Variants in CRPPA observed in about 807,000 individuals in gnomAD.
CRPPA encodes the protein CDP-L-ribitol pyrophosphorylase A, also known as D-ribitol-5-phosphate cytidylyltransferase.
CRPPA carries 43 observed loss-of-function variants against 52.0 expected under a neutral mutation model. The ratio of observed to expected loss-of-function variants is 0.83; its 90% confidence interval spans 0.65 to 1.07. The LOEUF (loss-of-function observed/expected upper bound fraction) is 1.07, where lower values mean the gene tolerates loss of function less well. Ranked by LOEUF, CRPPA falls within the 50% of genes least tolerant of loss-of-function variation. The probability of loss-of-function intolerance (pLI) is 0.00; values close to 1 mark genes in which losing one functional copy is unlikely to be tolerated. For missense variants in CRPPA, 629 were observed against 551.7 expected (o/e 1.14, Z -1.40); for synonymous variants, 250 against 203.5 (o/e 1.23, Z -1.94).
chr7:16,251,836 A>T (rs1315983998), intron 8 of CRPPA, among the ~76,000 whole-genome samples: 2 of 152,316 alleles, frequency 1.3e-5, no homozygotes, highest in East Asian at 3.9e-4. Context: ...GCAAGAGCAA[A>T]CAAATTCAAA....
chr7:16,247,150 T>A (rs1032707966), intron 8 of CRPPA, among the ~76,000 whole-genome samples: 1 of 152,264 alleles, frequency 6.6e-6, no homozygotes, highest in Non-Finnish European at 1.5e-5. Context: ...TTTTCTGTTA[T>A]GAAGACAATT....
At chr7:16,419,005 G>A (rs1221263156) in intron 1 of CRPPA, among the ~76,000 whole-genome samples, 3 of 152,210 alleles carry the variant, frequency 2.0e-5, no homozygotes, top group African/African-American at 4.8e-5. Context: ...GTGTCCCACA[G>A]AAATGCCTTC....
intron 9 of CRPPA, among the ~76,000 whole-genome samples, chr7:16,157,727 G>T (rs139300237): frequency 3.8e-3 from 575 of 152,164 alleles, no homozygotes; most frequent in Non-Finnish European, 6.0e-3. Context: ...AGCATAGCAC[G>T]AAGGTCTACC....
At chr7:16,397,228 GAACAT>G (rs376157975) in intron 2 of CRPPA, among the ~76,000 whole-genome samples, 2 of 152,220 alleles carry the variant, frequency 1.3e-5, no homozygotes, top group African/African-American at 4.8e-5. Flanking sequence ...TATGTGATAC[GAACAT>G]AACATGTAAC....
chr7:16,309,940 C>T (rs912466645), intron 3 of CRPPA, among the ~76,000 whole-genome samples: 11 of 151,694 alleles, frequency 7.3e-5, no homozygotes, highest in Non-Finnish European at 1.5e-4. Flanking sequence ...TCAAGTCAAT[C>T]GCTAAATAAA....
chr7:16,285,889 C>T (rs146174960), intron 5 of CRPPA, among the ~76,000 whole-genome samples: 3,135 of 149,582 alleles, frequency 0.021, 99 homozygotes, highest in African/African-American at 0.071. Context: ...GGCATGGTGG[C>T]GCATGCCTGT....
chr7:16,223,952 A>C (rs1409928943), intron 8 of CRPPA, among the ~76,000 whole-genome samples: 2 of 152,166 alleles, frequency 1.3e-5, no homozygotes, highest in African/African-American at 4.8e-5. Flanking sequence ...TTTCCCATGC[A>C]GTGTGACATT....
At chr7:16,409,350 C>T (rs1445397559) in intron 1 of CRPPA, among the ~76,000 whole-genome samples, 5 of 152,100 alleles carry the variant, frequency 3.3e-5, no homozygotes, top group Admixed American at 1.3e-4. Flanking sequence ...GGTTTTAAGC[C>T]ATTCAGTTTG....
chr7:16,121,845 T>C (rs954305188), intron 9 of CRPPA, among the ~76,000 whole-genome samples: 1 of 152,118 alleles, frequency 6.6e-6, no homozygotes, highest in Non-Finnish European at 1.5e-5. Flanking sequence ...TTGATTTGAC[T>C]GTCATGGTTG....
intron 9 of CRPPA, among the ~76,000 whole-genome samples, chr7:16,194,937 G>A (rs1208343729): frequency 1.3e-5 from 2 of 151,680 alleles, no homozygotes; most frequent in African/African-American, 4.8e-5. Flanking sequence ...ATAAGAGAGT[G>A]GAGTGGAGAC....
chr7:16,152,581 G>A (rs1783098711), intron 9 of CRPPA, among the ~76,000 whole-genome samples: 2 of 151,948 alleles, frequency 1.3e-5, no homozygotes, highest in African/African-American at 2.4e-5. Context: ...TATTAGGACT[G>A]AAATGTTGTG....
chr7:16,314,283 A>T (rs1232937953), intron 3 of CRPPA, among the ~76,000 whole-genome samples: 1 of 151,996 alleles, frequency 6.6e-6, no homozygotes, highest in Non-Finnish European at 1.5e-5. Context: ...AGATTTTGCA[A>T]TATACTTTTA....
At chr7:16,253,480 C>T (rs550533544) in intron 8 of CRPPA, among the ~76,000 whole-genome samples, 23 of 151,962 alleles carry the variant, frequency 1.5e-4, no homozygotes, top group African/African-American at 4.6e-4. Flanking sequence ...CAGACTGTTA[C>T]GATTTCTGTT....
rs758436651 is a variant in CRPPA, at chr7:16,323,977, A to G, written c.685-15350T>C. Among the ~76,000 whole-genome samples the G allele has an allele frequency of 2.0e-5, 3 of 152,204 alleles. No homozygotes were observed. The South Asian group carries it at 6.2e-4, about 32-fold the overall frequency. ...AGAAAATTAAGGACAGCAAATAGGA[A>G]GGAAGGCAACACAATCAGTAACACG... On this transcript the variant is annotated intron_variant, in intron 3 of 9. Coordinates refer to ENST00000407010, the MANE Select transcript of CRPPA (RefSeq NM_001101426.4).
chr7:16,088,412 C>CTTTTTTTTTTTTTTTTTTTTTTTTTTTTT lies in CRPPA; in HGVS notation c.*3282_*3283insAAAAAAAAAAAAAAAAAAAAAAAAAAAAA, dbSNP rs71549971. 2.7e-5 allele frequency: 3 copies of CTTTTTTTTTTTTTTTTTTTTTTTTTTTTT among 113,142 alleles called. 1 individual carries two copies. Among genetic ancestry groups the CTTTTTTTTTTTTTTTTTTTTTTTTTTTTT allele is most frequent in the Admixed American group, 2.1e-4 (2 of 9,500 alleles). 7.0% of individuals were successfully genotyped at this position (113,142 alleles called of 1,614,324 possible). On this transcript the variant is annotated 3_prime_UTR_variant, in exon 10 of 10. Transcript: ENST00000407010. ...ACTGTAAAGTTACCTCTGGATCTCT[C>CTTTTTTTTTTTTTTTTTTTTTTTTTTTTT]TTTTTTTTTTTTTTTTTTTTTTTGA...
rs557017579 is a variant in CRPPA, at chr7:16,167,129, T to C, written c.1251+48937A>G. On this transcript the variant is annotated intron_variant, in intron 9 of 9. Transcript: ENST00000407010. ...ACTTAGTAGAGACGGGGTTTCACCA[T>C]GTTAGCCAGGATGGTCTCGATCTCC... 3.5e-3 allele frequency among the ~76,000 whole-genome samples: 528 copies of C among 152,140 alleles called. 6 individuals are homozygous for C. The highest frequency in any genetic ancestry group is 0.012 in the African/African-American group (512 of 41,508).
At chr7:16,246,420 G>T (rs573163588) in intron 8 of CRPPA, among the ~76,000 whole-genome samples, 1 of 152,208 alleles carries the variant, frequency 6.6e-6, no homozygotes, top group African/African-American at 2.4e-5. Flanking sequence ...ATGAGGTTTG[G>T]ATTATGACCC....
chr7:16,299,615 A>G (rs1784749073), intron 5 of CRPPA, among the ~76,000 whole-genome samples: 1 of 152,198 alleles, frequency 6.6e-6, no homozygotes. Flanking sequence ...AAGTTATTAG[A>G]TATACAAACC....
At chr7:16,362,449 A>G (rs1786478921) in intron 3 of CRPPA, among the ~76,000 whole-genome samples, 1 of 152,200 alleles carries the variant, frequency 6.6e-6, no homozygotes, top group Non-Finnish European at 1.5e-5. Context: ...TTGAAGACAG[A>G]ACCCTTGTGG....
Sources: allele counts gnomAD v4.1 joint callset (sites outside exome capture counted in the v4.1 genomes callset), GRCh38; gene constraint gnomAD v4.1.1; transcripts MANE v1.5; gene names NCBI Gene and HGNC (gene_info 2026-07-23, HGNC 2026-07-21).